Variants in SPINK4 observed in about 807,000 individuals in gnomAD.
SPINK4 encodes the protein serine protease inhibitor Kazal-type 4.
Under a neutral mutation model 12.3 loss-of-function variants are expected in SPINK4, and 10 were observed. The ratio of observed to expected loss-of-function variants is 0.81; its 90% CI spans 0.50 to 1.37. The LOEUF is 1.37. SPINK4 is among the 40% of genes most tolerant of loss of function. The probability of loss-of-function intolerance (pLI) is 0.00; values close to 1 mark genes in which losing one functional copy is unlikely to be tolerated. For synonymous variants in SPINK4, 37 were observed against 40.2 expected, an observed-to-expected ratio of 0.92 and a Z score of 0.30; for missense variants, 91 against 109.0, an observed-to-expected ratio of 0.84 and a Z score of 0.73.
chr9:33,244,309 T>G (rs1820265282), intron 1 of SPINK4, among the ~76,000 whole-genome samples: 1 of 152,206 alleles, frequency 6.6e-6, no homozygotes, highest in African/African-American at 2.4e-5. Context: ...ACCTCTGCCT[T>G]AACAAACTGC....
rs757606895 is a variant in SPINK4 at position 33,248,496 on chromosome 9, G to A, written c.*25G>A. On this transcript the variant is annotated 3_prime_UTR_variant, in exon 4 of 4. Coordinates refer to ENST00000379721, the MANE Select transcript of SPINK4 (RefSeq NM_014471.3). ...ATCCCACAGGAGCACCTCAAGCCAT[G>A]AAGTGTCAGCTGGAGAACAGTGGTG... 4.9e-5 allele frequency: 79 copies of A among 1,613,582 alleles called. No homozygotes were observed. The highest frequency in any genetic ancestry group is 5.8e-5 in the Non-Finnish European group (69 of 1,179,920).
At chr9:33,248,382 A>T in intron 3 of SPINK4, 44 bp from the exon 4 acceptor site, 1 of 1,610,766 alleles carries the variant, frequency 6.2e-7, no homozygotes, top group Non-Finnish European at 8.5e-7. Context: ...GGTACACTAC[A>T]GCTCCTGAGA....
chr9:33,245,312 G>A, intron 2 of SPINK4, among the ~76,000 whole-genome samples, 160 bp downstream of exon 2: 1 of 152,204 alleles, frequency 6.6e-6, no homozygotes, highest in East Asian at 1.9e-4. Flanking sequence ...CCCCACATTA[G>A]CCCCCAAGGC....
chr9:33,243,064 ATTTTTATT>A (rs1820253068), intron 1 of SPINK4, among the ~76,000 whole-genome samples: 1 of 151,520 alleles, frequency 6.6e-6, no homozygotes, highest in African/African-American at 2.4e-5. Flanking sequence ...TTTTAAATTT[ATTTTTATT>A]TATTTATTTA....
At chr9:33,246,926 G>A (rs1820292028) in intron 3 of SPINK4, among the ~76,000 whole-genome samples, 198 bp downstream of exon 3, 1 of 152,054 alleles carries the variant, frequency 6.6e-6, no homozygotes, top group Admixed American at 6.6e-5. Context: ...TCTAGAAGCT[G>A]GTGGTGGATA....
At chr9:33,245,913 C>T (rs1158211127) in intron 2 of SPINK4, among the ~76,000 whole-genome samples, 1 of 152,232 alleles carries the variant, frequency 6.6e-6, no homozygotes, top group Non-Finnish European at 1.5e-5. Flanking sequence ...TAAGGTTATA[C>T]AGCTAATCAG....
chr9:33,242,404 C>T (rs935414130), intron 1 of SPINK4, among the ~76,000 whole-genome samples: 3 of 151,756 alleles, frequency 2.0e-5, no homozygotes, highest in Non-Finnish European at 4.4e-5. Flanking sequence ...GGGTATGATT[C>T]GGCGGGAGGA....
intron 1 of SPINK4, among the ~76,000 whole-genome samples, chr9:33,243,350 G>A (rs979540258): frequency 2.0e-5 from 3 of 152,032 alleles, no homozygotes; most frequent in African/African-American, 4.8e-5. Flanking sequence ...TGGGATTACA[G>A]GTGTGTGCTA....
chr9:33,241,553 A>C (rs748805491), intron 1 of SPINK4, among the ~76,000 whole-genome samples: 3 of 152,144 alleles, frequency 2.0e-5, no homozygotes, highest in Non-Finnish European at 2.9e-5. Flanking sequence ...GCACAGGGGG[A>C]AAGGGAAACG....
In SPINK4 at chr9:33,248,491, G is replaced by A. The variant is rs765991068; in HGVS notation, c.*20G>A. 98 of 1,613,706 alleles carry A rather than the reference G, an allele frequency of 6.1e-5. No homozygotes were observed. The highest frequency in any genetic ancestry group is 1.3e-4 in the Admixed American group (8 of 59,986). On this transcript the variant is annotated 3_prime_UTR_variant, in exon 4 of 4. Coordinates refer to ENST00000379721, the MANE Select transcript of SPINK4 (RefSeq NM_014471.3). ...TGCTGATCCCACAGGAGCACCTCAA[G>A]CCATGAAGTGTCAGCTGGAGAACAG...
chr9:33,244,689 G>A (rs1820269049), intron 1 of SPINK4, among the ~76,000 whole-genome samples: 1 of 152,158 alleles, frequency 6.6e-6, no homozygotes, highest in South Asian at 2.1e-4. Flanking sequence ...ACTTGCGCGA[G>A]GGCTCTTGAT....
intron 2 of SPINK4, among the ~76,000 whole-genome samples, chr9:33,246,325 T>C (rs967491593): frequency 6.6e-6 from 1 of 152,006 alleles, no homozygotes; most frequent in Admixed American, 6.6e-5. Context: ...TCCACACACA[T>C]AGACATAAAC....
At position 33,248,539 on chromosome 9, in the gene SPINK4, A is replaced by T; in HGVS notation, c.*68A>T. On this transcript the variant is annotated 3_prime_UTR_variant, in exon 4 of 4. Transcript: ENST00000379721. ...CAGTGGTGGGCATGGAGAGGATATG[A>T]CATGAAATAAAAGATCCAGCCCAAC... is the stretch of plus-strand genomic sequence containing the variant. The T allele has an allele frequency of 6.3e-7, 1 of 1,581,968 alleles. No homozygotes were observed.
intron 2 of SPINK4, among the ~76,000 whole-genome samples, chr9:33,245,749 C>T (rs1377142957): frequency 1.3e-5 from 2 of 152,152 alleles, no homozygotes; most frequent in East Asian, 1.9e-4. Context: ...GCATCGTCCC[C>T]GTCAGTCCAT....
intron 1 of SPINK4, among the ~76,000 whole-genome samples, chr9:33,242,019 A>G (rs568552005): frequency 6.6e-6 from 1 of 152,294 alleles, no homozygotes; most frequent in East Asian, 1.9e-4. Context: ...AGCTGGGATT[A>G]CAGGCACATG....
intron 3 of SPINK4, chr9:33,248,023 G>T (rs1037200896): frequency 4.8e-5 from 9 of 187,374 alleles, no homozygotes; most frequent in Non-Finnish European, 6.7e-5. Flanking sequence ...GGCTTGGGTG[G>T]CCAGTGGTTT....
chr9:33,242,368 G>C (rs1175369700), intron 1 of SPINK4, among the ~76,000 whole-genome samples: 1 of 152,152 alleles, frequency 6.6e-6, no homozygotes, highest in Non-Finnish European at 1.5e-5. Flanking sequence ...AGCTTCACTG[G>C]GGGGCAGCAT....
rs763575040 is a variant in SPINK4, at chr9:33,246,669, G to A, written c.156G>A (p.Leu52=). The A allele has an allele frequency of 4.3e-6, 7 of 1,613,916 alleles. No individual in the cohort carries two copies. Among genetic ancestry groups the A allele is most frequent in the Non-Finnish European group, 5.1e-6 (6 of 1,180,020 alleles). ...CAACCTGTTCCCAGATGTCCAACCT[G>A]GTCTGCGGCACTGATGGGCTCACAT... is the stretch of plus-strand genomic sequence containing the variant. ...ESPTCSQMSN[L]VCGTDGLTYT... Residue 52 remains leucine, a synonymous_variant, in exon 3 of 4, where the codon CTG becomes CTA. Transcript: ENST00000379721.
chr9:33,244,892 G>A (rs1820270973), intron 1 of SPINK4, among the ~76,000 whole-genome samples: 1 of 152,176 alleles, frequency 6.6e-6, no homozygotes, highest in Non-Finnish European at 1.5e-5. Context: ...AGGCTGGACT[G>A]TCACCTTCCT....
Sources: gnomAD v4.1 joint callset for allele counts (sites outside exome capture counted in the v4.1 genomes callset) on GRCh38, gnomAD v4.1.1 for gene constraint, MANE v1.5 for transcripts, NCBI Gene and HGNC (gene_info 2026-07-23, HGNC 2026-07-21) for gene names.